The following SLC27A1 variants were observed in gnomAD, a reference collection of about 807,000 sequenced individuals.
The protein encoded by SLC27A1 is long-chain fatty acid transport protein 1.
SLC27A1 carries 61 observed loss-of-function variants against 62.2 expected under a neutral mutation model. The ratio of observed to expected loss-of-function variants is 0.98; its 90% CI spans 0.80 to 1.21. The LOEUF is 1.21. Among genes scored for constraint, SLC27A1 ranks in the 50% most tolerant of loss-of-function variants. The probability of loss-of-function intolerance (pLI) is 0.00; values close to 1 mark genes in which losing one functional copy is unlikely to be tolerated. For missense variants in SLC27A1, 903 were observed against 932.1 expected (o/e 0.97, Z 0.41); for synonymous variants, 435 against 408.6 (o/e 1.06, Z -0.78).
chr19:17,482,189 G>A (rs920121241), intron 1 of SLC27A1, among the ~76,000 whole-genome samples: 2 of 152,198 alleles, frequency 1.3e-5, no homozygotes, highest in African/African-American at 2.4e-5. Context: ...CCAAGGACAC[G>A]GTGGTAAATG....
chr19:17,489,359 G>C (rs1458428138), intron 6 of SLC27A1, among the ~76,000 whole-genome samples: 1 of 152,128 alleles, frequency 6.6e-6, no homozygotes, highest in Non-Finnish European at 1.5e-5. Flanking sequence ...CCGTCTCTAG[G>C]GGTGGGGTGG....
chr19:17,493,427 CAAA>C (rs769247313), intron 6 of SLC27A1, among the ~76,000 whole-genome samples: 2 of 72,010 alleles, frequency 2.8e-5, no homozygotes, highest in Admixed American at 2.1e-4. Flanking sequence ...AACTCCATCT[CAAA>C]AAAAAAAAAA....
chr19:17,475,782 A>G (rs576647467), intron 1 of SLC27A1, among the ~76,000 whole-genome samples: 3 of 152,042 alleles, frequency 2.0e-5, no homozygotes, highest in South Asian at 2.1e-4. Context: ...ATCTGATCGT[A>G]TTCATCCTTG....
chr19:17,489,358 G>A (rs2075272901), intron 6 of SLC27A1, among the ~76,000 whole-genome samples: 1 of 152,174 alleles, frequency 6.6e-6, no homozygotes, highest in African/African-American at 2.4e-5. Context: ...CCCGTCTCTA[G>A]GGGTGGGGTG....
intron 6 of SLC27A1, chr19:17,491,203 A>C (rs2075290761): frequency 6.9e-6 from 1 of 143,892 alleles, no homozygotes; most frequent in Non-Finnish European, 1.5e-5. Flanking sequence ...TCCATCTTTA[A>C]AAAAAAAAAA....
At chr19:17,471,666 G>C (rs1048090679) in intron 1 of SLC27A1, among the ~76,000 whole-genome samples, 1 of 152,082 alleles carries the variant, frequency 6.6e-6, no homozygotes, top group Admixed American at 6.6e-5. Context: ...GTAGCAAGAG[G>C]GACTGAACCC....
chr19:17,473,524 CT>C (rs1413737807), intron 1 of SLC27A1, among the ~76,000 whole-genome samples: 4 of 152,184 alleles, frequency 2.6e-5, no homozygotes, highest in Non-Finnish European at 5.9e-5. Context: ...ATTTTGGCCT[CT>C]GGTTGGTCCT....
chr19:17,489,302 T>G (rs1183752065), intron 6 of SLC27A1, among the ~76,000 whole-genome samples, 185 bp downstream of exon 6: 1 of 151,782 alleles, frequency 6.6e-6, no homozygotes, highest in Non-Finnish European at 1.5e-5. Context: ...TTCCCTTAAC[T>G]CCCTTATGTG....
rs574614603 is a variant in SLC27A1 at position 17,487,007 on chromosome 19, T to C, written c.562+50T>C. On this transcript the variant is annotated intron_variant, in intron 2 of 11. Coordinates refer to ENST00000252595, the MANE Select transcript of SLC27A1 (RefSeq NM_198580.3). ...TGGGCGGGGACCCAGGACTGGCCCC[T>C]GGGCGGGCGGGGAGATGCTGCGCCC... 47 of 1,536,908 alleles carry C rather than the reference T, an allele frequency of 3.1e-5. No homozygotes were observed. The South Asian group carries it at 5.4e-4, about 18-fold the overall frequency.
chr19:17,486,674 G>T lies in SLC27A1; in HGVS notation c.279G>T (p.Leu93=). ...TAGTGCAGCGACAGCCCGAGCGCCT[G>T]GCGCTGGTGGATGCCGGGACCGGCG... ...QAVVQRQPER[L]ALVDAGTGEC... The change falls in exon 2 of 12, where the codon CTG becomes CTT. Residue 93 remains leucine, a synonymous_variant. Coordinates refer to ENST00000252595, the MANE Select transcript of SLC27A1 (RefSeq NM_198580.3). The surrounding 1 kb of genome is among the most constrained non-coding windows in gnomAD (Gnocchi z 6.6). The T allele has an allele frequency of 6.2e-7, 1 of 1,610,326 alleles. No homozygotes were observed.
intron 1 of SLC27A1, among the ~76,000 whole-genome samples, chr19:17,476,295 G>A (rs2075121382): frequency 6.6e-6 from 1 of 152,130 alleles, no homozygotes; most frequent in Non-Finnish European, 1.5e-5. Context: ...CAGCACTTTG[G>A]GAGGCTGAGG....
intron 10 of SLC27A1, 144 bp from the exon 11 acceptor site, chr19:17,501,129 A>G: frequency 7.8e-7 from 1 of 1,283,108 alleles, no homozygotes; most frequent in Admixed American, 2.4e-5. Flanking sequence ...GCTCCACAAA[A>G]TGTGTGGCTG....
chr19:17,481,219 C>T (rs148514823), intron 1 of SLC27A1, among the ~76,000 whole-genome samples: 4 of 152,200 alleles, frequency 2.6e-5, no homozygotes, highest in Admixed American at 6.5e-5. Context: ...GCCACTGGGC[C>T]CGGCGGTGTT....
intron 1 of SLC27A1, among the ~76,000 whole-genome samples, chr19:17,477,240 CTTTTT>C (rs1221324202): frequency 2.3e-5 from 1 of 43,808 alleles, no homozygotes; most frequent in African/African-American, 9.2e-5. Flanking sequence ...ATGAGCAGCG[CTTTTT>C]TTTTTTTTTT....
intron 1 of SLC27A1, among the ~76,000 whole-genome samples, chr19:17,482,158 C>T (rs1245164130): frequency 6.6e-6 from 1 of 152,166 alleles, no homozygotes; most frequent in Non-Finnish European, 1.5e-5. Context: ...GCCCTGTCTA[C>T]CCAGTATAGG....
At chr19:17,471,265 A>G (rs938799431) in intron 1 of SLC27A1, among the ~76,000 whole-genome samples, 19 of 151,878 alleles carry the variant, frequency 1.3e-4, no homozygotes, top group African/African-American at 4.4e-4. Context: ...GGGTTTCTGA[A>G]GGTGTGAGTT....
intron 6 of SLC27A1, chr19:17,489,744 G>C: frequency 6.5e-6 from 1 of 152,724 alleles, no homozygotes; most frequent in Non-Finnish European, 1.5e-5. Context: ...AGGAGAGCAG[G>C]CAGAGGTTAA....
Position 17,470,548 on chromosome 19 carries a change from C to T in SLC27A1, c.8C>T (p.Ala3Val). 1 of 1,557,070 alleles carries T rather than the reference C, an allele frequency of 6.4e-7. No homozygotes were observed. The highest frequency in any genetic ancestry group is 1.2e-5 in the South Asian group (1 of 86,294). ...TCTCTCTGCTTCCCCAGGATGCGGG[C>T]TCCGGGTGCGGGCGCGGCCTCGGTG... The part of the protein sequence containing the change: MR[A>V]PGAGAASVVS... Residue 3 changes from alanine to valine, a missense_variant, in exon 1 of 12, where the codon GCT becomes GTT. By Grantham distance (64) the Ala-to-Val change is moderately conservative. Coordinates refer to ENST00000252595, the MANE Select transcript of SLC27A1 (RefSeq NM_198580.3).
chr19:17,486,541 T>C lies in SLC27A1; in HGVS notation c.168-22T>C. ...GCGGGGCAGGGCACCAGTGACGCTG[T>C]CCCCTCCGTCCTCCCTCCCAGCGGT... On this transcript the variant is annotated intron_variant, in intron 1 of 11. Transcript: ENST00000252595. This position sits in a 1 kb window ranked among gnomAD's most constrained non-coding sequence, Gnocchi z 6.6. 1.3e-6 allele frequency: 2 copies of C among 1,552,634 alleles called. No individual in the cohort carries two copies. The highest frequency in any genetic ancestry group is 1.7e-6 in the Non-Finnish European group (2 of 1,155,656).
Sources: gnomAD v4.1 joint callset for allele counts (sites outside exome capture counted in the v4.1 genomes callset) on GRCh38, gnomAD v4.1.1 for gene constraint, Gnocchi (gnomAD v3.1) non-coding constraint, MANE v1.5 for transcripts, NCBI Gene and HGNC (gene_info 2026-07-23, HGNC 2026-07-21) for gene names.